The following SYT12 variants were observed in gnomAD, a reference collection of about 807,000 sequenced individuals.
SYT12 encodes synaptotagmin 12.
A neutral mutation model predicts 39.5 loss-of-function variants in SYT12; 27 were observed. That is an observed-to-expected ratio of 0.68 (90% CI 0.50 to 0.94). SYT12 has a LOEUF of 0.94. Ranked by LOEUF, SYT12 falls within the 40% of genes least tolerant of loss-of-function variation. The pLI is 0.00. For missense variants in SYT12, 536 were observed against 572.6 expected, an observed-to-expected ratio of 0.94 and a Z score of 0.65; for synonymous variants, 233 against 239.7, an observed-to-expected ratio of 0.97 and a Z score of 0.26.
intron 2 of SYT12, among the ~76,000 whole-genome samples, chr11:67,034,036 G>A (rs1950316965): frequency 6.6e-6 from 1 of 152,192 alleles, no homozygotes; most frequent in Non-Finnish European, 1.5e-5. Context: ...TGAGTTGTTT[G>A]TTTTGGTAAG....
At chr11:67,014,511 A>G (rs753271349) in intron 3 of SYT12, among the ~76,000 whole-genome samples, 6 of 152,174 alleles carry the variant, frequency 3.9e-5, no homozygotes, top group Non-Finnish European at 8.8e-5. Flanking sequence ...AGGGTTGGAG[A>G]AGCGGCTCCT....
At chr11:67,044,943 G>A (rs1463756125) in intron 6 of SYT12, among the ~76,000 whole-genome samples, 5 of 152,172 alleles carry the variant, frequency 3.3e-5, no homozygotes, top group Non-Finnish European at 7.4e-5. Flanking sequence ...GCCCCTGTGA[G>A]GGCAGAGTGA....
At chr11:67,038,918 C>G (rs10750793) in intron 3 of SYT12, among the ~76,000 whole-genome samples, 110,021 of 151,662 alleles carry the variant, frequency 0.73, 45,529 homozygotes, top group South Asian at 0.93. Flanking sequence ...ACCCAGGAGG[C>G]AGAGGTTGCA....
At chr11:67,015,916 G>A (rs1264249009) in intron 3 of SYT12, among the ~76,000 whole-genome samples, 1 of 152,176 alleles carries the variant, frequency 6.6e-6, no homozygotes, top group East Asian at 1.9e-4. Context: ...GGTTTGAGAA[G>A]CCAGAGGCCT....
intron 7 of SYT12, among the ~76,000 whole-genome samples, chr11:67,048,097 C>A (rs900510378): frequency 9.9e-5 from 15 of 151,100 alleles, no homozygotes; most frequent in African/African-American, 3.4e-4. Flanking sequence ...GGCCGAAACC[C>A]CCATCTCTAC....
At chr11:67,016,519 A>C (rs1018188052) in intron 3 of SYT12, among the ~76,000 whole-genome samples, 3 of 152,212 alleles carry the variant, frequency 2.0e-5, no homozygotes, top group African/African-American at 7.2e-5. Context: ...CGGCCAGTTT[A>C]CATGCTAGAC....
At chr11:67,030,335 G>A (rs757290896) in intron 2 of SYT12, 157 bp downstream of exon 2, 79 of 754,976 alleles carry the variant, frequency 1.0e-4, no homozygotes, top group African/African-American at 4.3e-4. Context: ...CAGACAGCCC[G>A]CCCTGGGGAC....
At chr11:67,039,167 G>A (rs984600800) in intron 3 of SYT12, among the ~76,000 whole-genome samples, 6 of 151,658 alleles carry the variant, frequency 4.0e-5, no homozygotes, top group Non-Finnish European at 8.8e-5. Flanking sequence ...GCCGGGCGTG[G>A]TGGTGTGCAC....
At chr11:67,043,434 G>A (rs1590652163) in intron 4 of SYT12, among the ~76,000 whole-genome samples, 3 of 152,182 alleles carry the variant, frequency 2.0e-5, no homozygotes, top group African/African-American at 7.2e-5. Flanking sequence ...AAAACGCCAG[G>A]CCACTAGATT....
At chr11:67,007,651 G>C (rs1174714801) in intron 1 of SYT12, among the ~76,000 whole-genome samples, 3 of 152,102 alleles carry the variant, frequency 2.0e-5, no homozygotes, top group African/African-American at 7.2e-5. Flanking sequence ...TGCAACCTCC[G>C]CCTCCCGGGT....
At chr11:67,030,069 G>A (rs368039376) in intron 1 of SYT12, 53 bp from the exon 2 acceptor site, 85 of 1,579,248 alleles carry the variant, frequency 5.4e-5, no homozygotes, top group South Asian at 4.0e-4. Context: ...GGACCTAGGA[G>A]CGGGACGCTG....
At chr11:67,027,315 C>T (rs1018029605) in intron 1 of SYT12, 4 of 152,130 alleles carry the variant, frequency 2.6e-5, no homozygotes, top group Non-Finnish European at 4.4e-5. Flanking sequence ...TCCTGGCCAA[C>T]ATGATGAAAC....
chr11:67,014,281 T>C (rs571817490), intron 3 of SYT12, among the ~76,000 whole-genome samples: 1 of 152,310 alleles, frequency 6.6e-6, no homozygotes, highest in Non-Finnish European at 1.5e-5. Flanking sequence ...TGTGTAGATG[T>C]GTCCGGGATC....
intron 1 of SYT12, among the ~76,000 whole-genome samples, chr11:67,025,376 G>A (rs1274112764): frequency 6.6e-6 from 1 of 152,202 alleles, no homozygotes; most frequent in East Asian, 1.9e-4. Flanking sequence ...AGGGTCTGGG[G>A]ATTTGGGACT....
chr11:67,013,879 T>C (rs938885929), intron 3 of SYT12, among the ~76,000 whole-genome samples: 1 of 152,218 alleles, frequency 6.6e-6, no homozygotes, highest in African/African-American at 2.4e-5. Context: ...AATCAAGGTG[T>C]TGGCAGGGCT....
rs745388143 is a variant in SYT12, at chr11:67,040,139, G to A, written c.557G>A (p.Ser186Asn). 1.0e-4 allele frequency: 167 copies of A among 1,610,268 alleles called. No homozygotes were observed. The South Asian group carries it at 1.8e-3, about 17-fold the overall frequency. ...GKDLLEREEA[S>N]FESCFMRVSL... Reference sequence around the variant, plus strand: ...GACCTCCTGGAGCGGGAGGAGGCCAGCTTCGAGTCCTGCTTCATGCGCGTC... The same window carrying A: ...GACCTCCTGGAGCGGGAGGAGGCCAACTTCGAGTCCTGCTTCATGCGCGTC... Residue 186 changes from serine to asparagine, a missense_variant, in exon 4 of 8, where the codon AGC becomes AAC. Physicochemically the swap from Ser to Asn is conservative, Grantham distance 46 (BLOSUM62 1). Transcript: ENST00000527043.
At position 67,045,838 on chromosome 11, in the gene SYT12, C is replaced by T. The variant is rs746410785; in HGVS notation, c.1053C>T (p.Asn351=). ...GGGATGACCCCAACCCGGTGTTCAA[C>T]GAAGCCATGATCTTCTCGGTGCCAG... is the stretch of plus-strand genomic sequence containing the variant. The part of the protein sequence containing the change: ...VKRDDPNPVF[N]EAMIFSVPAI... Residue 351 remains asparagine (N), a synonymous_variant, in exon 7 of 8, where the codon AAC becomes AAT. Transcript: ENST00000527043. The T allele has an allele frequency of 1.9e-5, 30 of 1,613,470 alleles. No individual in the cohort carries two copies. The highest frequency in any genetic ancestry group is 1.6e-4 in the Middle Eastern group (1 of 6,084).
At chr11:67,034,571 AG>A in intron 2 of SYT12, 73 bp from the exon 3 acceptor site, 2 of 1,367,802 alleles carry the variant, frequency 1.5e-6, no homozygotes, top group Admixed American at 5.4e-5. Flanking sequence ...TCAATGTAGA[AG>A]TCGGTGCTGC....
At chr11:67,043,513 C>T in intron 4 of SYT12, 125 bp from the exon 5 acceptor site, 2 of 855,778 alleles carry the variant, frequency 2.3e-6, no homozygotes, top group Non-Finnish European at 3.7e-6. Context: ...GAAAGATTGG[C>T]ATTGAGGGTG....
Sources: allele counts gnomAD v4.1 joint callset (sites outside exome capture counted in the v4.1 genomes callset), GRCh38; gene constraint gnomAD v4.1.1; transcripts MANE v1.5; gene names NCBI Gene and HGNC (gene_info 2026-07-23, HGNC 2026-07-21).